Variants in FOXN2 observed in about 807,000 individuals in gnomAD.
FOXN2 encodes forkhead box protein N2.
FOXN2 carries 19 observed loss-of-function variants against 41.2 expected under a neutral mutation model. The observed-to-expected ratio is 0.46, with a 90% CI of 0.32 to 0.68. The LOEUF (loss-of-function observed/expected upper bound fraction) is 0.68. Among genes scored for constraint, FOXN2 ranks in the 30% least tolerant of loss-of-function variants. The pLI is 0.03. For synonymous variants in FOXN2, 195 were observed against 176.8 expected, an observed-to-expected ratio of 1.10 and a Z score of -0.82; for missense variants, 587 against 509.4, an observed-to-expected ratio of 1.15 and a Z score of -1.47.
At chr2:48,331,726 A>G (rs1670030184) in intron 2 of FOXN2, among the ~76,000 whole-genome samples, 1 of 151,592 alleles carries the variant, frequency 6.6e-6, no homozygotes, top group South Asian at 2.1e-4. Context: ...CTGAGGTAGG[A>G]GGATCGCTTG....
chr2:48,319,569 C>T (rs1669151588), intron 1 of FOXN2, among the ~76,000 whole-genome samples: 1 of 150,780 alleles, frequency 6.6e-6, no homozygotes, highest in African/African-American at 2.4e-5. Context: ...CATTAATACA[C>T]TTTAAATTGT....
chr2:48,333,285 C>G (rs777725142), intron 2 of FOXN2, among the ~76,000 whole-genome samples: 3 of 152,024 alleles, frequency 2.0e-5, no homozygotes, highest in Non-Finnish European at 4.4e-5. Context: ...TACCTTTTAT[C>G]TACATTACTA....
At chr2:48,343,761 T>TA (rs397974986) in intron 2 of FOXN2, among the ~76,000 whole-genome samples, 21,322 of 144,028 alleles carry the variant, frequency 0.15, 1,680 homozygotes, top group African/African-American at 0.22. Flanking sequence ...CCTGTCTCTT[T>TA]AAAAAAAAAA....
At chr2:48,353,670 T>G (rs1423069580) in intron 3 of FOXN2, among the ~76,000 whole-genome samples, 1 of 151,962 alleles carries the variant, frequency 6.6e-6, no homozygotes, top group African/African-American at 2.4e-5. Flanking sequence ...TTTTTTCATC[T>G]TAATGCATAA....
chr2:48,338,487 C>T (rs1038082058), intron 2 of FOXN2, among the ~76,000 whole-genome samples: 4 of 151,924 alleles, frequency 2.6e-5, no homozygotes, highest in East Asian at 1.9e-4. Flanking sequence ...CTACAAGCTC[C>T]GCCTCCTGGG....
chr2:48,339,827 A>C (rs897411434), intron 2 of FOXN2, among the ~76,000 whole-genome samples: 1 of 152,238 alleles, frequency 6.6e-6, no homozygotes, highest in Non-Finnish European at 1.5e-5. Context: ...ATATGAACAA[A>C]GACTTCTATA....
At chr2:48,373,517 T>C (rs1043974131) in intron 6 of FOXN2, among the ~76,000 whole-genome samples, 157 bp downstream of exon 6, 1 of 152,178 alleles carries the variant, frequency 6.6e-6, no homozygotes, top group Non-Finnish European at 1.5e-5. Flanking sequence ...CTTTCATTAA[T>C]TTATGTGAGC....
At chr2:48,340,648 T>G (rs1444601282) in intron 2 of FOXN2, 5 of 152,196 alleles carry the variant, frequency 3.3e-5, no homozygotes, top group Non-Finnish European at 7.3e-5. Flanking sequence ...ACTTTTATTT[T>G]TATTCATTTT....
intron 1 of FOXN2, among the ~76,000 whole-genome samples, chr2:48,320,876 A>T (rs915691931): frequency 6.6e-6 from 1 of 152,198 alleles, no homozygotes; most frequent in Non-Finnish European, 1.5e-5. Flanking sequence ...CTTTATTGTT[A>T]TAGCAAGTTA....
chr2:48,330,204 A>C (rs1286222825), intron 2 of FOXN2, among the ~76,000 whole-genome samples: 1 of 152,172 alleles, frequency 6.6e-6, no homozygotes, highest in Non-Finnish European at 1.5e-5. Context: ...TCTGGAAAAT[A>C]CAATGCTGTG....
At chr2:48,374,028 G>A (rs1030004225) in intron 6 of FOXN2, among the ~76,000 whole-genome samples, 68 of 150,844 alleles carry the variant, frequency 4.5e-4, no homozygotes, top group Non-Finnish European at 8.6e-4. Context: ...GAGCTGGAGA[G>A]CACTGCACTC....
At chr2:48,319,958 A>G (rs905369111) in intron 1 of FOXN2, among the ~76,000 whole-genome samples, 2 of 151,646 alleles carry the variant, frequency 1.3e-5, no homozygotes, top group Non-Finnish European at 2.9e-5. Flanking sequence ...TTTGCATTAT[A>G]CAGGGTTAGT....
intron 5 of FOXN2, among the ~76,000 whole-genome samples, chr2:48,364,000 A>G (rs1051720366): frequency 2.6e-5 from 4 of 152,314 alleles, no homozygotes; most frequent in Non-Finnish European, 5.9e-5. Flanking sequence ...CCTGGGCTCA[A>G]GTGATCTCCT....
intron 1 of FOXN2, among the ~76,000 whole-genome samples, chr2:48,320,318 T>G (rs1405870799): frequency 1.3e-5 from 2 of 151,678 alleles, no homozygotes; most frequent in Admixed American, 6.6e-5. Flanking sequence ...TGAGATGGAG[T>G]TGTGCTCTGT....
chr2:48,351,458 T>A (rs989177680), intron 3 of FOXN2, among the ~76,000 whole-genome samples: 20 of 152,104 alleles, frequency 1.3e-4, no homozygotes, highest in Non-Finnish European at 2.4e-4. Flanking sequence ...AGAGAGAAGT[T>A]GATTAATTAT....
At chr2:48,346,974 T>G (rs1671146409) in intron 3 of FOXN2, among the ~76,000 whole-genome samples, 1 of 152,156 alleles carries the variant, frequency 6.6e-6, no homozygotes, top group Non-Finnish European at 1.5e-5. Context: ...GTACCTAGAT[T>G]AGTCTTTTTA....
rs567898624 is a variant in FOXN2, at chr2:48,358,993, C to T, written c.538-54C>T. On this transcript the variant is annotated intron_variant, in intron 3 of 6. Coordinates refer to ENST00000340553, the MANE Select transcript of FOXN2 (RefSeq NM_002158.4). ...TGCACATTTATTTAAAACATTTAGACGCTGACTGTTTATGTATAAAAGTTC... is the reference window on the plus strand; with the variant it reads ...TGCACATTTATTTAAAACATTTAGATGCTGACTGTTTATGTATAAAAGTTC... The T allele has an allele frequency of 4.0e-5, 53 of 1,326,124 alleles. No homozygotes were observed. In the Middle Eastern group the frequency reaches 1.3e-3, roughly 32 times the overall value. 82.1% of individuals were successfully genotyped at this position (1,326,124 alleles called of 1,614,324 possible). A position where few individuals can be genotyped will look rare whatever the true frequency, so the allele number is the denominator to read the frequency against.
At chr2:48,313,843 CGGGA>C (rs1668700775), upstream of FOXN2, among the ~76,000 whole-genome samples, 1 of 152,048 alleles carries the variant, frequency 6.6e-6, no homozygotes, top group Non-Finnish European at 1.5e-5. Flanking sequence ...ATAACCCAAA[CGGGA>C]TATTCTTATA....
intron 3 of FOXN2, among the ~76,000 whole-genome samples, chr2:48,351,691 G>T (rs745837763): frequency 2.0e-5 from 3 of 152,074 alleles, no homozygotes; most frequent in Non-Finnish European, 2.9e-5. Context: ...TAATGCATGG[G>T]CTGATCGGAC....
Sources: allele counts gnomAD v4.1 joint callset (sites outside exome capture counted in the v4.1 genomes callset), GRCh38; gene constraint gnomAD v4.1.1; transcripts MANE v1.5; gene names NCBI Gene and HGNC (gene_info 2026-07-23, HGNC 2026-07-21).